Variants in PALD1 observed in about 807,000 individuals in gnomAD.
The protein encoded by PALD1 is paladin.
In PALD1, 57 loss-of-function variants were observed where a neutral mutation model predicts 96.0. The ratio of observed to expected loss-of-function variants is 0.59; its 90% confidence interval spans 0.48 to 0.74. The LOEUF is 0.74. Ranked by LOEUF, PALD1 falls within the 30% of genes least tolerant of loss-of-function variation. The probability of loss-of-function intolerance (pLI) is 0.00; values close to 1 mark genes in which losing one functional copy is unlikely to be tolerated. For missense variants in PALD1, 1,063 were observed against 1,143.7 expected, an observed-to-expected ratio of 0.93 and a Z score of 1.02; for synonymous variants, 464 against 473.6, an observed-to-expected ratio of 0.98 and a Z score of 0.26.
intron 1 of PALD1, among the ~76,000 whole-genome samples, chr10:70,483,615 T>C (rs1034039917): frequency 1.3e-5 from 2 of 152,102 alleles, no homozygotes; most frequent in African/African-American, 4.8e-5. Context: ...CCTGCCAGCT[T>C]CTGCATCCTG....
intron 9 of PALD1, 26 bp from the exon 10 acceptor site, chr10:70,534,713 T>G (rs773119395): frequency 1.2e-5 from 14 of 1,180,194 alleles, no homozygotes; most frequent in Non-Finnish European, 1.5e-5. Flanking sequence ...CACCTCCCTC[T>G]TACTTGCCTT....
Position 70,531,386 on chromosome 10 carries a change from C to T in PALD1, c.565C>T (p.His189Tyr). The T allele has an allele frequency of 6.2e-7, 1 of 1,614,068 alleles. No homozygotes were observed. The highest frequency in any genetic ancestry group is 8.5e-7 in the Non-Finnish European group (1 of 1,179,950). Residue 189 changes from histidine (H) to tyrosine (Y), a missense_variant, in exon 5 of 20, where the codon CAT (histidine) becomes TAT (tyrosine). By Grantham distance (83) the His-to-Tyr change is moderately conservative. Coordinates refer to ENST00000263563, the MANE Select transcript of PALD1 (RefSeq NM_014431.3). ...CACACCTCGAGACAAGCAGAACCTT[C>T]ATGAGAACCTCCAGGGCCTTGGACC... ...SYTPRDKQNL[H>Y]ENLQGLGPGV...
chr10:70,510,073 A>G (rs1437708719), intron 1 of PALD1, among the ~76,000 whole-genome samples: 2 of 151,962 alleles, frequency 1.3e-5, no homozygotes, highest in Admixed American at 6.6e-5. Flanking sequence ...ATTTGCCTAA[A>G]ATATTGGGGA....
In PALD1 at chr10:70,533,907, C is replaced by T; in HGVS notation, c.871-15C>T. On this transcript the variant is annotated splice_polypyrimidine_tract_variant and intron_variant, in intron 7 of 19. Transcript: ENST00000263563. Reference sequence around the variant, plus strand: ...CCTGGTCTCACTGGGGCCTGATCCTCATGGTCTTTCCCAGGAGACCCCCAG... The same window carrying T: ...CCTGGTCTCACTGGGGCCTGATCCTTATGGTCTTTCCCAGGAGACCCCCAG... 2 of 1,571,666 alleles carry T rather than the reference C, an allele frequency of 1.3e-6. No individual in the cohort carries two copies. Among genetic ancestry groups the T allele is most frequent in the African/African-American group, 1.4e-5 (1 of 73,724 alleles).
At chr10:70,477,693 A>C (rs1440999140), upstream of PALD1, among the ~76,000 whole-genome samples, 1 of 152,140 alleles carries the variant, frequency 6.6e-6, no homozygotes, top group Non-Finnish European at 1.5e-5. Flanking sequence ...GTCATGGGGA[A>C]TGTGTTCCCC....
intron 1 of PALD1, among the ~76,000 whole-genome samples, chr10:70,488,700 G>A (rs1846050174): frequency 6.6e-6 from 1 of 152,224 alleles, no homozygotes; most frequent in Admixed American, 6.5e-5. Flanking sequence ...GGAGTTCTGA[G>A]CACATGCCCT....
chr10:70,514,754 C>T (rs983026097), intron 1 of PALD1, among the ~76,000 whole-genome samples: 23 of 152,308 alleles, frequency 1.5e-4, no homozygotes, highest in African/African-American at 5.1e-4. Flanking sequence ...GGAACACGCG[C>T]TGCAGTGGGC....
intron 1 of PALD1, among the ~76,000 whole-genome samples, chr10:70,508,301 G>A (rs1360135818): frequency 6.6e-6 from 1 of 152,132 alleles, no homozygotes; most frequent in Non-Finnish European, 1.5e-5. Flanking sequence ...GATGCTCCTC[G>A]GCTTTCTTAT....
At position 70,531,285 on chromosome 10, in the gene PALD1, G is replaced by C; in HGVS notation, c.469-5G>C. On this transcript the variant is annotated splice_polypyrimidine_tract_variant and splice_region_variant and intron_variant, in intron 4 of 19. Coordinates refer to ENST00000263563, the MANE Select transcript of PALD1 (RefSeq NM_014431.3). ...TGGCTTCCTTCCCCCTCGGGCTCCT[G>C]GCAGGAGTGTGTCATCTTCTGTGTG... 1 of 1,609,702 alleles carries C rather than the reference G, an allele frequency of 6.2e-7. No homozygotes were observed. The highest frequency in any genetic ancestry group is 8.5e-7 in the Non-Finnish European group (1 of 1,176,506).
At chr10:70,523,350 C>T (rs1846778031) in intron 1 of PALD1, among the ~76,000 whole-genome samples, 1 of 152,204 alleles carries the variant, frequency 6.6e-6, no homozygotes, top group Non-Finnish European at 1.5e-5. Flanking sequence ...TCTGCAGACC[C>T]TTCTGTGTCC....
chr10:70,484,306 A>T (rs551555210), intron 1 of PALD1, among the ~76,000 whole-genome samples: 2 of 152,206 alleles, frequency 1.3e-5, no homozygotes, highest in East Asian at 3.9e-4. Context: ...CTCGACCCCA[A>T]TATTTTTCTA....
intron 1 of PALD1, among the ~76,000 whole-genome samples, chr10:70,491,225 G>A (rs1221689885): frequency 1.3e-5 from 2 of 152,208 alleles, no homozygotes; most frequent in African/African-American, 4.8e-5. Flanking sequence ...GATTACAGGC[G>A]TGAGCCACTG....
At chr10:70,535,992 G>A (rs1194926486) in intron 10 of PALD1, among the ~76,000 whole-genome samples, 2 of 152,192 alleles carry the variant, frequency 1.3e-5, no homozygotes, top group Non-Finnish European at 2.9e-5. Context: ...TTAAAAGGCT[G>A]GGCACGGTGG....
intron 1 of PALD1, among the ~76,000 whole-genome samples, chr10:70,520,685 C>CTTTTTTTTTTTTTT (rs10545684): frequency 5.7e-5 from 5 of 87,674 alleles, no homozygotes; most frequent in East Asian, 4.2e-4. Context: ...TTCTTTCTTT[C>CTTTTTTTTTTTTTT]TTTTTTTTTT....
At chr10:70,461,206 C>T in the PALD1 span, among the ~76,000 whole-genome samples, 5 of 152,342 alleles carry the variant, frequency 3.3e-5, no homozygotes, top group Admixed American at 2.0e-4. Context: ...CCTGCTGTCT[C>T]CTCTGGCTGG....
intron 1 of PALD1, among the ~76,000 whole-genome samples, chr10:70,514,196 T>C (rs1846575409): frequency 6.6e-6 from 1 of 152,208 alleles, no homozygotes; most frequent in African/African-American, 2.4e-5. Flanking sequence ...TCTCAGTGTG[T>C]GGCAGCCATG....
intron 1 of PALD1, among the ~76,000 whole-genome samples, chr10:70,492,394 C>T (rs1846113705): frequency 6.7e-6 from 1 of 150,168 alleles, no homozygotes; most frequent in Admixed American, 6.7e-5. Context: ...TAAGTGGAAC[C>T]ATCGTTAAGT....
chr10:70,502,933 T>C (rs1846325660), intron 1 of PALD1, among the ~76,000 whole-genome samples: 1 of 152,196 alleles, frequency 6.6e-6, no homozygotes, highest in Admixed American at 6.5e-5. Flanking sequence ...CAGGCTGCAG[T>C]GCAGTGGCGT....
chr10:70,468,495 C>T, the PALD1 span, among the ~76,000 whole-genome samples: 2 of 152,070 alleles, frequency 1.3e-5, no homozygotes, highest in Non-Finnish European at 1.5e-5. Context: ...CCACCCGGCT[C>T]GGCCTCCCAA....
Sources: allele counts gnomAD v4.1 joint callset (sites outside exome capture counted in the v4.1 genomes callset), GRCh38; gene constraint gnomAD v4.1.1; transcripts MANE v1.5; gene names NCBI Gene and HGNC (gene_info 2026-07-23, HGNC 2026-07-21).